The following BCAS3 variants were observed in gnomAD, a reference collection of about 807,000 sequenced individuals.
BCAS3 encodes BCAS3 microtubule associated cell migration factor, also known as BCAS4/BCAS3 fusion.
A neutral mutation model predicts 116.1 loss-of-function variants in BCAS3; 53 were observed. That is an observed-to-expected ratio of 0.46 (90% CI 0.37 to 0.57). The LOEUF is 0.57. BCAS3 is among the 20% of genes least tolerant of loss of function. The probability of loss-of-function intolerance (pLI) is 0.00; values close to 1 mark genes in which losing one functional copy is unlikely to be tolerated. For missense variants in BCAS3, 917 were observed against 1,165.4 expected, an observed-to-expected ratio of 0.79 and a Z score of 3.10; for synonymous variants, 391 against 408.2, an observed-to-expected ratio of 0.96 and a Z score of 0.51.
At chr17:60,807,954 A>T (rs1288931925) in intron 6 of BCAS3, 50 bp from the exon 7 acceptor site, 1 of 1,288,128 alleles carries the variant, frequency 7.8e-7, no homozygotes, top group East Asian at 2.3e-5. Context: ...AGTGGGAATT[A>T]TACAATAATA....
chr17:60,723,472 C>T (rs566205979), intron 5 of BCAS3, among the ~76,000 whole-genome samples: 8 of 152,118 alleles, frequency 5.3e-5, no homozygotes, highest in East Asian at 1.9e-4. Flanking sequence ...GTGATCCAGC[C>T]GCCTCGGCCT....
chr17:61,190,218 A>G (rs1291811833), intron 22 of BCAS3, among the ~76,000 whole-genome samples: 1 of 152,126 alleles, frequency 6.6e-6, no homozygotes, highest in Non-Finnish European at 1.5e-5. Flanking sequence ...ACCACGAATT[A>G]TAGAATGAAT....
intron 16 of BCAS3, among the ~76,000 whole-genome samples, chr17:61,033,813 T>C (rs546139745): frequency 1.3e-5 from 2 of 152,280 alleles, no homozygotes; most frequent in African/African-American, 4.8e-5. Context: ...AAATACGGGA[T>C]TGAAAAGGTG....
Position 60,986,344 on chromosome 17 carries a change from C to A in BCAS3, c.1222-3627C>A, listed in dbSNP as rs146705969. On this transcript the variant is annotated intron_variant, in intron 14 of 23. Coordinates refer to ENST00000407086, the MANE Select transcript of BCAS3 (RefSeq NM_017679.5). ...TTTGATATACTGATTTCCTTTCTTT[C>A]GAGTATATACCTAGCAGGGGAATTG... is the stretch of plus-strand genomic sequence containing the variant. 1.2e-4 allele frequency among the ~76,000 whole-genome samples: 19 copies of A among 152,178 alleles called. No homozygotes were observed. The East Asian group carries it at 3.3e-3, about 26-fold the overall frequency.
intron 19 of BCAS3, among the ~76,000 whole-genome samples, chr17:61,060,031 A>T (rs1462759629): frequency 6.6e-6 from 1 of 152,196 alleles, no homozygotes; most frequent in Non-Finnish European, 1.5e-5. Context: ...AAGAAAATGC[A>T]GGGGAAAAGA....
intron 22 of BCAS3, among the ~76,000 whole-genome samples, chr17:61,340,088 G>C (rs1361298799): frequency 1.3e-5 from 2 of 152,290 alleles, no homozygotes; most frequent in African/African-American, 4.8e-5. Flanking sequence ...TGTTCAAAGA[G>C]AGAAAGGGAG....
chr17:60,998,136 G>T (rs533887709), intron 15 of BCAS3, among the ~76,000 whole-genome samples: 1 of 152,106 alleles, frequency 6.6e-6, no homozygotes, highest in Non-Finnish European at 1.5e-5. Flanking sequence ...TTAGGATAAC[G>T]ACCTCCAGCA....
intron 8 of BCAS3, among the ~76,000 whole-genome samples, chr17:60,869,860 A>AT (rs2054940706): frequency 1.3e-5 from 2 of 152,212 alleles, no homozygotes; most frequent in Non-Finnish European, 2.9e-5. Context: ...CATACTAAAA[A>AT]GTACAGAGAA....
chr17:61,314,563 C>T (rs1182562797), intron 22 of BCAS3, among the ~76,000 whole-genome samples: 1 of 152,202 alleles, frequency 6.6e-6, no homozygotes, highest in Non-Finnish European at 1.5e-5. Flanking sequence ...TCCCCTCCAC[C>T]GCTGCCTGGG....
rs2065190837 is a variant in BCAS3, at chr17:61,012,708, G to A, written c.1487-3043G>A. Among the ~76,000 whole-genome samples, 1 of 152,050 alleles carries A rather than the reference G, an allele frequency of 6.6e-6. No homozygotes were observed. Among genetic ancestry groups the A allele is most frequent in the Admixed American group, 6.6e-5 (1 of 15,252 alleles). On this transcript the variant is annotated intron_variant, in intron 15 of 23. Coordinates refer to ENST00000407086, the MANE Select transcript of BCAS3 (RefSeq NM_017679.5). This position sits in a 1 kb window ranked among gnomAD's most constrained non-coding sequence, Gnocchi z 4.5. ...TACAGCATAAACACAGGAGCAGGCT[G>A]AGAAGGATAGATCTGAAGTTCTTTG...
chr17:61,001,571 C>G (rs985496453), intron 15 of BCAS3, among the ~76,000 whole-genome samples: 5 of 152,180 alleles, frequency 3.3e-5, no homozygotes, highest in Middle Eastern at 6.8e-3. Context: ...CAAGAAAAAT[C>G]AATCAAGTGC....
Position 60,808,056 on chromosome 17 carries a change from T to C in BCAS3, c.456T>C (p.Cys152=). 6.2e-7 allele frequency: 1 copy of C among 1,607,322 alleles called. No individual in the cohort carries two copies. The highest frequency in any genetic ancestry group is 2.2e-5 in the East Asian group (1 of 44,698). Residue 152 remains cysteine, a synonymous_variant, in exon 7 of 24, where the codon TGT becomes TGC. Transcript: ENST00000407086. ...AAAAAAGACCCCTCCTTGGTGTTTG[T>C]AAGAGCATTGGATCTTCTGGGTAAG... ...FAEKRPLLGV[C]KSIGSSGTSP...
At position 60,727,187 on chromosome 17, in the gene BCAS3, T is replaced by C. The variant is rs1598329991; in HGVS notation, c.321+17862T>C. On this transcript the variant is annotated intron_variant, in intron 5 of 23. Transcript: ENST00000407086. ...AGTTTAGAACTGGATCTCTTGGCCCTTTCTCTTCTTATCTCCTCCCGGTTC... is the reference window on the plus strand; with the variant it reads ...AGTTTAGAACTGGATCTCTTGGCCCCTTCTCTTCTTATCTCCTCCCGGTTC... The C allele has an allele frequency of 9.4e-6, 8 of 854,648 alleles. No individual in the cohort carries two copies. In the East Asian group the frequency reaches 1.6e-4, roughly 17 times the overall value. The allele number at this position is 854,648 out of a possible 1,614,324, so 52.9% of individuals were successfully genotyped here.
At position 61,126,700 on chromosome 17, in the gene BCAS3, T is replaced by G. The variant is rs1276922407; in HGVS notation, c.2425+42136T>G. Among the ~76,000 whole-genome samples the G allele has an allele frequency of 3.3e-5, 5 of 152,182 alleles. No homozygotes were observed. Among genetic ancestry groups the G allele is most frequent in the Non-Finnish European group, 7.3e-5 (5 of 68,030 alleles). On this transcript the variant is annotated intron_variant, in intron 22 of 23. Coordinates refer to ENST00000407086, the MANE Select transcript of BCAS3 (RefSeq NM_017679.5). This position sits in a 1 kb window ranked among gnomAD's most constrained non-coding sequence, Gnocchi z 4.6. ...TGATTTCTACTGGGAAATGTATCCTTGGACTGAAAATTGCATCCGGAAAAA... is the reference window on the plus strand; with the variant it reads ...TGATTTCTACTGGGAAATGTATCCTGGGACTGAAAATTGCATCCGGAAAAA...
intron 22 of BCAS3, among the ~76,000 whole-genome samples, chr17:61,295,777 C>G (rs1002161145): frequency 6.6e-6 from 1 of 151,100 alleles, no homozygotes; most frequent in Non-Finnish European, 1.5e-5. Context: ...ATGGTGAAAC[C>G]CCCGTCTCTA....
At chr17:60,925,106 A>G (rs1261424044) in intron 13 of BCAS3, among the ~76,000 whole-genome samples, 4 of 150,902 alleles carry the variant, frequency 2.7e-5, no homozygotes, top group Non-Finnish European at 6.0e-5. Context: ...AAAAAGATAA[A>G]GACAGAGTCT....
intron 22 of BCAS3, among the ~76,000 whole-genome samples, chr17:61,247,394 TA>T (rs2048055570): frequency 6.6e-6 from 1 of 152,178 alleles, no homozygotes; most frequent in South Asian, 2.1e-4. Flanking sequence ...TTAAAATACT[TA>T]TATTTAAGTA....
chr17:61,373,693 A>G (rs889058586), intron 23 of BCAS3, among the ~76,000 whole-genome samples: 13 of 138,766 alleles, frequency 9.4e-5, no homozygotes, highest in African/African-American at 2.6e-4. Flanking sequence ...AGTGATCCCA[A>G]AGTGCTGGGA....
chr17:61,002,972 G>A (rs1213810277), intron 15 of BCAS3, among the ~76,000 whole-genome samples: 1 of 151,604 alleles, frequency 6.6e-6, no homozygotes, highest in South Asian at 2.1e-4. Flanking sequence ...TATTATAAAA[G>A]TCAAAAATAT....
Sources: allele counts gnomAD v4.1 joint callset (sites outside exome capture counted in the v4.1 genomes callset), GRCh38; gene constraint gnomAD v4.1.1; non-coding constraint Gnocchi (gnomAD v3.1); transcripts MANE v1.5; gene names NCBI Gene and HGNC (gene_info 2026-07-23, HGNC 2026-07-21).